The following WDR7 variants were observed in gnomAD, a reference collection of about 807,000 sequenced individuals.
WDR7 encodes WD repeat-containing protein 7.
In WDR7, 46 loss-of-function variants were observed where a neutral mutation model predicts 169.4. That is an observed-to-expected ratio of 0.27 (90% CI 0.21 to 0.35). The LOEUF (loss-of-function observed/expected upper bound fraction) is 0.35. WDR7 is among the 10% of genes least tolerant of loss of function. The pLI, the probability that WDR7 is intolerant of heterozygous loss-of-function variation, is 1.00. For missense variants in WDR7, 1,534 were observed against 1,859.3 expected (o/e 0.83, Z 3.22); for synonymous variants, 612 against 666.8 (o/e 0.92, Z 1.27).
intron 25 of WDR7, among the ~76,000 whole-genome samples, chr18:56,955,369 A>G (rs1438045288): frequency 2.6e-5 from 4 of 152,166 alleles, no homozygotes; most frequent in African/African-American, 9.6e-5. Context: ...AACAGGAGGA[A>G]TATTTAATTT....
chr18:56,672,345 G>A (rs531732053), intron 1 of WDR7, among the ~76,000 whole-genome samples, 152 bp from the exon 2 acceptor site: 12 of 149,582 alleles, frequency 8.0e-5, no homozygotes, highest in Admixed American at 4.7e-4. Context: ...TAAACTAGTC[G>A]TTTTTTTTTG....
intron 16 of WDR7, among the ~76,000 whole-genome samples, chr18:56,763,443 T>C (rs917508318): frequency 1.3e-5 from 2 of 152,226 alleles, no homozygotes; most frequent in East Asian, 1.9e-4. Flanking sequence ...AACCTTGCAA[T>C]ATAGACCACA....
chr18:56,917,720 A>G (rs1458652245), intron 21 of WDR7, among the ~76,000 whole-genome samples: 3 of 152,208 alleles, frequency 2.0e-5, no homozygotes, highest in Non-Finnish European at 2.9e-5. Context: ...ACTGTCATCT[A>G]TTTAGCCACA....
intron 1 of WDR7, among the ~76,000 whole-genome samples, chr18:56,661,770 T>C (rs1300023751): frequency 6.6e-6 from 1 of 152,220 alleles, no homozygotes; most frequent in Non-Finnish European, 1.5e-5. Context: ...GTTTCTTTAG[T>C]GTGTTTTTAT....
At chr18:56,749,989 G>A (rs1001979348) in intron 14 of WDR7, among the ~76,000 whole-genome samples, 3 of 151,384 alleles carry the variant, frequency 2.0e-5, no homozygotes, top group Non-Finnish European at 4.4e-5. Flanking sequence ...TTTTGTTGCT[G>A]GAGGCTACTG....
At chr18:56,863,377 A>G (rs1439427068) in intron 20 of WDR7, among the ~76,000 whole-genome samples, 2 of 151,726 alleles carry the variant, frequency 1.3e-5, no homozygotes, top group Non-Finnish European at 3.0e-5. Context: ...TAGCAATATG[A>G]AATTCTTGTT....
intron 19 of WDR7, among the ~76,000 whole-genome samples, chr18:56,784,806 G>C (rs1365269492): frequency 6.6e-6 from 1 of 151,850 alleles, no homozygotes; most frequent in Admixed American, 6.6e-5. Flanking sequence ...GTATATTTAA[G>C]TTTTGTATTT....
At chr18:56,841,943 A>C (rs554632556) in intron 20 of WDR7, among the ~76,000 whole-genome samples, 49 of 152,356 alleles carry the variant, frequency 3.2e-4, no homozygotes, top group African/African-American at 1.1e-3. Context: ...TTCAGTAATC[A>C]GATATGCTTC....
chr18:56,994,006 CTT>C (rs35754900), intron 26 of WDR7, among the ~76,000 whole-genome samples: 2 of 105,168 alleles, frequency 1.9e-5, no homozygotes, highest in Admixed American at 2.0e-4. Flanking sequence ...TCATCCATTA[CTT>C]TTTTTTTCTT....
intron 20 of WDR7, among the ~76,000 whole-genome samples, chr18:56,831,297 T>C (rs1030349970): frequency 6.6e-6 from 1 of 152,052 alleles, no homozygotes; most frequent in Non-Finnish European, 1.5e-5. Context: ...CAAGAGGGGA[T>C]GCTAAAGGCA....
chr18:56,670,840 C>A (rs777255528), intron 1 of WDR7, among the ~76,000 whole-genome samples: 2 of 152,080 alleles, frequency 1.3e-5, no homozygotes, highest in African/African-American at 4.8e-5. Context: ...AATGATTATA[C>A]CTTTTGATTG....
At chr18:57,032,825 A>ATATATATG (rs2048449435), downstream of WDR7, 2 of 123,798 alleles carry the variant, frequency 1.6e-5, no homozygotes, top group African/African-American at 6.9e-5. Flanking sequence ...ATATATATAT[A>ATATATATG]TATATATATA....
At chr18:57,035,393 G>A in the WDR7 span, 1 of 152,372 alleles carries the variant, frequency 6.6e-6, no homozygotes, top group African/African-American at 2.4e-5. Context: ...GTGCTGCCCT[G>A]ATGTTATAAG....
At chr18:56,769,439 T>G (rs1340883703) in intron 16 of WDR7, among the ~76,000 whole-genome samples, 4 of 152,140 alleles carry the variant, frequency 2.6e-5, no homozygotes, top group Non-Finnish European at 5.9e-5. Context: ...GCTCAAGTGA[T>G]CCTCCCACCC....
intron 21 of WDR7, among the ~76,000 whole-genome samples, chr18:56,901,854 T>A (rs1427522436): frequency 6.6e-6 from 1 of 152,086 alleles, no homozygotes; most frequent in Non-Finnish European, 1.5e-5. Flanking sequence ...CCATTTTAGC[T>A]GCGGTTGTCA....
At chr18:56,772,060 CAAAAAAAAAA>C (rs71169397) in intron 16 of WDR7, among the ~76,000 whole-genome samples, 5 of 51,188 alleles carry the variant, frequency 9.8e-5, no homozygotes, top group South Asian at 1.4e-3. Context: ...GACCCTGTCT[CAAAAAAAAAA>C]AAAAAAAAAA....
chr18:56,668,425 G>A (rs911256757), intron 1 of WDR7, among the ~76,000 whole-genome samples: 1 of 152,172 alleles, frequency 6.6e-6, no homozygotes, highest in African/African-American at 2.4e-5. Flanking sequence ...GTCTAGGTTA[G>A]GGAATCCATC....
intron 1 of WDR7, among the ~76,000 whole-genome samples, chr18:56,660,118 T>C (rs2024872604): frequency 6.6e-6 from 1 of 152,176 alleles, no homozygotes; most frequent in Non-Finnish European, 1.5e-5. Flanking sequence ...AAGATGATTC[T>C]AGGATTTTGG....
At chr18:56,833,223 G>A (rs969539591) in intron 20 of WDR7, among the ~76,000 whole-genome samples, 3 of 151,688 alleles carry the variant, frequency 2.0e-5, no homozygotes, top group African/African-American at 2.4e-5. Flanking sequence ...TTGGTCAAGC[G>A]GAAGAAGGCA....
Sources: allele counts gnomAD v4.1 joint callset (sites outside exome capture counted in the v4.1 genomes callset), GRCh38; gene constraint gnomAD v4.1.1; transcripts MANE v1.5; gene names NCBI Gene and HGNC (gene_info 2026-07-23, HGNC 2026-07-21).